The following CNTN6 variants were observed in gnomAD, a reference collection of about 807,000 sequenced individuals.
The protein encoded by CNTN6 is contactin-6.
In CNTN6, 137 loss-of-function variants were observed where a neutral mutation model predicts 122.8. The observed-to-expected ratio is 1.12, with a 90% CI of 0.97 to 1.29. CNTN6 has a LOEUF of 1.29. CNTN6 is among the 50% of genes most tolerant of loss of function. The probability of loss-of-function intolerance (pLI) is 0.00; values close to 1 mark genes in which losing one functional copy is unlikely to be tolerated. For missense variants in CNTN6, 1,634 were observed against 1,223.4 expected, an observed-to-expected ratio of 1.34 and a Z score of -5.01; for synonymous variants, 570 against 426.0, an observed-to-expected ratio of 1.34 and a Z score of -4.16.
intron 20 of CNTN6, among the ~76,000 whole-genome samples, chr3:1,401,027 A>T (rs1468702154): frequency 6.6e-6 from 1 of 152,144 alleles, no homozygotes; most frequent in Non-Finnish European, 1.5e-5. Flanking sequence ...AAAGAATTTT[A>T]GGAATGAACA....
intron 11 of CNTN6, among the ~76,000 whole-genome samples, chr3:1,351,246 T>C (rs911838609): frequency 6.6e-6 from 1 of 152,008 alleles, no homozygotes; most frequent in African/African-American, 2.4e-5. Flanking sequence ...TTTTGTGTTA[T>C]ACATATATTA....
At chr3:1,287,991 T>G (rs1694639165) in intron 5 of CNTN6, among the ~76,000 whole-genome samples, 1 of 152,222 alleles carries the variant, frequency 6.6e-6, no homozygotes, top group Admixed American at 6.5e-5. Context: ...TGCTTTCACT[T>G]TACAGTGTTG....
intron 2 of CNTN6, among the ~76,000 whole-genome samples, chr3:1,152,058 G>A (rs1204285363): frequency 1.3e-5 from 2 of 152,140 alleles, no homozygotes; most frequent in Non-Finnish European, 2.9e-5. Flanking sequence ...ATAACTGTAA[G>A]TCTACTTTTT....
At chr3:1,356,901 C>T (rs186868178) in intron 12 of CNTN6, among the ~76,000 whole-genome samples, 13 of 151,914 alleles carry the variant, frequency 8.6e-5, no homozygotes, top group African/African-American at 2.2e-4. Flanking sequence ...ATTATTGAAA[C>T]GTGAATACTA....
chr3:1,389,821 A>G (rs1693824567), intron 20 of CNTN6, among the ~76,000 whole-genome samples: 1 of 151,494 alleles, frequency 6.6e-6, no homozygotes, highest in African/African-American at 2.4e-5. Context: ...GAAGGCCATT[A>G]CATAATGGTA....
chr3:1,360,592 G>A (rs977816541), intron 12 of CNTN6, among the ~76,000 whole-genome samples: 4 of 151,050 alleles, frequency 2.6e-5, no homozygotes, highest in African/African-American at 4.9e-5. Flanking sequence ...ATACATGTAT[G>A]TATACACGTA....
intron 4 of CNTN6, among the ~76,000 whole-genome samples, chr3:1,268,561 T>C (rs187337327): frequency 0.46 from 61,584 of 134,472 alleles, 15,201 homozygotes; most frequent in East Asian, 0.8. Flanking sequence ...GAGCCGAGAT[T>C]GAGCCACTGC....
rs1432582897 is a variant in CNTN6 at position 1,383,238 on chromosome 3, C to T, written c.2402-55C>T. The T allele has an allele frequency of 1.9e-6, 3 of 1,596,470 alleles. No individual in the cohort carries two copies. The African/African-American group carries it at 4.0e-5, about 21-fold the overall frequency. The stretch of plus-strand genomic sequence containing the variant: ...TATGCATAGTTTGTGTTCCCTTGTT[C>T]CATTTTCAATGAACCACTCTGCTAA... On this transcript the variant is annotated intron_variant, in intron 18 of 22. Coordinates refer to ENST00000446702, the MANE Select transcript of CNTN6 (RefSeq NM_001289080.2).
rs375813083 is a variant in CNTN6 at position 1,266,892 on chromosome 3, A to G, written c.359-11521A>G. On this transcript the variant is annotated intron_variant, in intron 4 of 22. Transcript: ENST00000446702. ...TGACCTGGCCCAGGAGTGAATTACA[A>G]GTGAGCTTCTGGCCAGACTCCCTCA... 5.3e-5 allele frequency among the ~76,000 whole-genome samples: 8 copies of G among 151,136 alleles called. No homozygotes were observed. In the East Asian group the frequency reaches 1.2e-3, roughly 22 times the overall value.
chr3:1,131,824 A>G (rs1260540403), intron 1 of CNTN6, among the ~76,000 whole-genome samples: 1 of 152,104 alleles, frequency 6.6e-6, no homozygotes, highest in Non-Finnish European at 1.5e-5. Flanking sequence ...GAAAGTAGTC[A>G]CAGAGTACTT....
chr3:1,385,898 A>ATTGGTTACTTTGGTTAG, intron 20 of CNTN6, 101 bp downstream of exon 20: 1 of 1,169,954 alleles, frequency 8.5e-7, no homozygotes, highest in Non-Finnish European at 1.2e-6. Flanking sequence ...TTCTTTACTA[A>ATTGGTTACTTTGGTTAG]TTGGTTACTT....
At chr3:1,239,144 A>G (rs951400801) in intron 4 of CNTN6, among the ~76,000 whole-genome samples, 1 of 152,184 alleles carries the variant, frequency 6.6e-6, no homozygotes, top group Non-Finnish European at 1.5e-5. Flanking sequence ...CTTCTATTCA[A>G]CATAGTACTG....
At chr3:1,354,162 G>T (rs1305645841) in intron 12 of CNTN6, among the ~76,000 whole-genome samples, 5 of 151,436 alleles carry the variant, frequency 3.3e-5, no homozygotes, top group Admixed American at 2.0e-4. Flanking sequence ...GAGAAACTCG[G>T]AAGCCACTGG....
intron 20 of CNTN6, among the ~76,000 whole-genome samples, chr3:1,397,344 TTAAAGA>T (rs1411490841): frequency 3.3e-5 from 5 of 152,054 alleles, no homozygotes; most frequent in African/African-American, 9.7e-5. Flanking sequence ...TGATACAAAA[TTAAAGA>T]TAAAGAGGAG....
intron 5 of CNTN6, among the ~76,000 whole-genome samples, chr3:1,286,787 T>C (rs949301608): frequency 2.6e-5 from 4 of 152,100 alleles, no homozygotes; most frequent in African/African-American, 9.7e-5. Flanking sequence ...GTATCTCACA[T>C]GGAGACCCAT....
intron 16 of CNTN6, among the ~76,000 whole-genome samples, chr3:1,375,222 A>C (rs1467368427): frequency 6.6e-6 from 1 of 152,082 alleles, no homozygotes; most frequent in Non-Finnish European, 1.5e-5. Context: ...GTTTGTTTAC[A>C]GTTGATTTAT....
intron 10 of CNTN6, among the ~76,000 whole-genome samples, chr3:1,329,297 T>C (rs373873755): frequency 1.6e-4 from 25 of 151,768 alleles, no homozygotes; most frequent in African/African-American, 4.8e-4. Flanking sequence ...ATATGACATG[T>C]ATGATCATTG....
At chr3:1,291,363 A>C (rs1334141621) in intron 5 of CNTN6, among the ~76,000 whole-genome samples, 2 of 152,208 alleles carry the variant, frequency 1.3e-5, no homozygotes, top group Non-Finnish European at 2.9e-5. Context: ...AGCTAAGGTA[A>C]AAATGAATTC....
At chr3:1,172,620 C>CTCTCTGTGTG (rs762907787) in intron 2 of CNTN6, among the ~76,000 whole-genome samples, 58 of 150,288 alleles carry the variant, frequency 3.9e-4, no homozygotes, top group African/African-American at 1.2e-3. Context: ...CAATAACTCT[C>CTCTCTGTGTG]TGTGTGTGTG....
Sources: allele counts gnomAD v4.1 joint callset (sites outside exome capture counted in the v4.1 genomes callset), GRCh38; gene constraint gnomAD v4.1.1; transcripts MANE v1.5; gene names NCBI Gene and HGNC (gene_info 2026-07-23, HGNC 2026-07-21).